STAG2: variants seen among roughly 807,000 people sequenced by gnomAD.
STAG2 encodes STAG2 cohesin complex component.
In STAG2, 14 loss-of-function variants were observed where a neutral mutation model predicts 108.1. That is an observed-to-expected ratio of 0.13 (90% confidence interval 0.09 to 0.20). The LOEUF (loss-of-function observed/expected upper bound fraction) is 0.20, where lower values mean the gene tolerates loss of function less well. Among genes scored for constraint, STAG2 ranks in the 10% least tolerant of loss-of-function variants. STAG2 has a pLI of 1.00. For synonymous variants in STAG2, 307 were observed against 302.7 expected (o/e 1.01, Z -0.15); for missense variants, 440 against 940.9 (o/e 0.47, Z 6.96).
intron 1 of STAG2, among the ~76,000 whole-genome samples, chrX:123,972,037 A>T (rs1203923358): frequency 1.8e-5 from 2 of 111,410 alleles, no homozygotes; most frequent in African/African-American, 3.3e-5. Flanking sequence ...CACCTGAAAA[A>T]ATATTACTGG....
intron 5 of STAG2, among the ~76,000 whole-genome samples, chrX:124,036,477 C>G (rs949463272): frequency 9.0e-6 from 1 of 111,474 alleles, no homozygotes; most frequent in African/African-American, 3.3e-5. Context: ...CTTCATCTCC[C>G]GGGTTCAAGT....
intron 1 of STAG2, among the ~76,000 whole-genome samples, chrX:124,017,452 T>C (rs1010385101): frequency 9.0e-6 from 1 of 111,209 alleles, no homozygotes; most frequent in Non-Finnish European, 1.9e-5. Flanking sequence ...CCTCGTGATC[T>C]GCCCGCCTCA....
Position 124,009,427 on chromosome X carries a change from GTAGGTAGGTAGGTAGGTAGA to G in STAG2, c.-162-11936_-162-11917del, listed in dbSNP as rs1232080701. The stretch of plus-strand genomic sequence containing the variant: ...GGTAGGTAGGTAGGTAGGTAGGTAG[GTAGGTAGGTAGGTAGGTAGA>G]TAGATAGATAGATAGATAGATAGAT... On this transcript the variant is annotated intron_variant, in intron 1 of 34. Transcript: ENST00000371145. 6.0e-5 allele frequency among the ~76,000 whole-genome samples: 4 copies of G among 66,724 alleles called. No individual in the cohort carries two copies. The East Asian group carries it at 1.4e-3, about 24-fold the overall frequency. 57.9% of individuals were successfully genotyped at this position (66,724 alleles called of 115,157 possible).
intron 1 of STAG2, among the ~76,000 whole-genome samples, chrX:124,006,214 G>A (rs910201071): frequency 9.0e-6 from 1 of 110,963 alleles, no homozygotes; most frequent in African/African-American, 3.3e-5. Flanking sequence ...TACAAACAAA[G>A]GTCCTATGGA....
chrX:124,091,372 C>T, intron 32 of STAG2, among the ~76,000 whole-genome samples: 1 of 111,455 alleles, frequency 9.0e-6, no homozygotes, highest in Admixed American at 9.6e-5. Context: ...TCTCCCTTCA[C>T]CCCCCGCTCC....
intron 1 of STAG2, chrX:124,003,731 T>C (rs1214079159): frequency 8.9e-6 from 1 of 112,091 alleles, no homozygotes; most frequent in Non-Finnish European, 1.9e-5. Flanking sequence ...GCCTGAAATA[T>C]AATTCTTAAT....
At chrX:124,022,335 C>T (rs2056958831) in intron 2 of STAG2, among the ~76,000 whole-genome samples, 196 bp from the exon 3 acceptor site, 1 of 104,704 alleles carries the variant, frequency 9.6e-6, no homozygotes, top group Non-Finnish European at 1.9e-5. Context: ...CGTGCCACTG[C>T]ACCCCAGCCT....
chrX:124,020,467 T>C (rs1236256491), intron 1 of STAG2, among the ~76,000 whole-genome samples: 1 of 111,874 alleles, frequency 8.9e-6, no homozygotes, highest in African/African-American at 3.2e-5. Flanking sequence ...TGATTTTCTT[T>C]TATAAATAAG....
intron 1 of STAG2, among the ~76,000 whole-genome samples, chrX:124,012,849 A>G (rs757061592): frequency 1.9e-4 from 21 of 111,678 alleles, no homozygotes; most frequent in Non-Finnish European, 3.4e-4. Flanking sequence ...TATCATGCAA[A>G]TTATTAATAA....
At position 123,980,346 on chromosome X, in the gene STAG2, G is replaced by A. The variant is rs141162476; in HGVS notation, c.-163+18490G>A. Among the ~76,000 whole-genome samples, 814 of 110,901 alleles carry A rather than the reference G, an allele frequency of 7.3e-3. 7 individuals carry two copies. The highest frequency in any genetic ancestry group is 0.025 in the African/African-American group (764 of 30,482). ...AAACATCATGCTTAACTTGGCAGGA[G>A]GAAGAAGTAGGATCACTGATAAGAG... On this transcript the variant is annotated intron_variant, in intron 1 of 34. Transcript: ENST00000371145.
chrX:123,996,134 A>G (rs1049944788), intron 1 of STAG2, among the ~76,000 whole-genome samples: 30 of 112,383 alleles, frequency 2.7e-4, no homozygotes, highest in African/African-American at 8.1e-4. Context: ...ATGGAGGGCA[A>G]TTTTGATATC....
At chrX:124,060,900 G>C (rs918633072) in intron 15 of STAG2, among the ~76,000 whole-genome samples, 1 of 107,704 alleles carries the variant, frequency 9.3e-6, no homozygotes, top group African/African-American at 3.4e-5. Context: ...CAACAGCCTG[G>C]GCGAGAGCGA....
At chrX:124,081,327 T>C in intron 27 of STAG2, 53 bp from the exon 28 acceptor site, 1 of 839,590 alleles carries the variant, frequency 1.2e-6, no homozygotes, top group Non-Finnish European at 1.6e-6. Context: ...TTTTAAAAGA[T>C]GTTAATCTCC....
rs1317533005 is a variant in STAG2 at position 123,961,742 on chromosome X, A to T, written c.-277A>T. ...CCTTCCTAGAGAGGGAACAACATTC[A>T]TGTGACGGGCCCCTCTGCTTCTCCC... On this transcript the variant is annotated 5_prime_UTR_variant, in exon 1 of 35. An upstream start codon of the reference 5' UTR is lost. Transcript: ENST00000371145. 1.0e-5 allele frequency: 1 copy of T among 100,020 alleles called. No homozygotes were observed. The highest frequency in any genetic ancestry group is 2.0e-5 in the Non-Finnish European group (1 of 49,333). The allele number at this position is 100,020 out of a possible 1,213,427, so 8.2% of individuals were successfully genotyped here.
chrX:124,079,800 G>C (rs990988129), intron 27 of STAG2, among the ~76,000 whole-genome samples: 1 of 111,843 alleles, frequency 8.9e-6, no homozygotes, highest in African/African-American at 3.3e-5. Context: ...TGATGGCCTT[G>C]TTACTCTTTT....
intron 16 of STAG2, 59 bp downstream of exon 16, chrX:124,061,400 C>G: frequency 1.2e-6 from 1 of 835,980 alleles, no homozygotes; most frequent in Non-Finnish European, 1.7e-6. Flanking sequence ...GATTTTTACT[C>G]ATTCCATTTA....
intron 10 of STAG2, among the ~76,000 whole-genome samples, chrX:124,049,414 T>G (rs1324676078): frequency 8.9e-6 from 1 of 112,198 alleles, no homozygotes; most frequent in African/African-American, 3.2e-5. Context: ...TTCCCTTCCA[T>G]TGAATATCAG....
intron 1 of STAG2, among the ~76,000 whole-genome samples, chrX:123,979,757 C>T (rs1349165737): frequency 9.0e-6 from 1 of 111,277 alleles, no homozygotes; most frequent in Admixed American, 9.7e-5. Flanking sequence ...CTTGCAACCC[C>T]TCATTTTGCC....
intron 19 of STAG2, 117 bp downstream of exon 19, chrX:124,063,322 C>T: frequency 3.6e-6 from 2 of 558,098 alleles, no homozygotes; most frequent in African/African-American, 2.3e-5. Context: ...GAAAGGAAAC[C>T]TATAGCTTAG....
Sources: allele counts gnomAD v4.1 joint callset (sites outside exome capture counted in the v4.1 genomes callset), GRCh38; gene constraint gnomAD v4.1.1; transcripts MANE v1.5; gene names NCBI Gene and HGNC (gene_info 2026-07-23, HGNC 2026-07-21).